Variants in BSDC1 observed in about 807,000 individuals in gnomAD.
BSDC1 encodes the protein BSD domain-containing protein 1.
BSDC1 carries 29 observed loss-of-function variants against 56.0 expected under a neutral mutation model. The observed-to-expected ratio is 0.52, with a 90% confidence interval of 0.39 to 0.71. The LOEUF is 0.71. Ranked by LOEUF, BSDC1 falls within the 30% of genes least tolerant of loss-of-function variation. BSDC1 has a pLI of 0.00. For missense variants in BSDC1, 477 were observed against 548.5 expected (o/e 0.87, Z 1.30); for synonymous variants, 210 against 215.3 (o/e 0.98, Z 0.21).
At chr1:32,389,894 G>A (rs1336753102) in intron 2 of BSDC1, among the ~76,000 whole-genome samples, 2 of 151,178 alleles carry the variant, frequency 1.3e-5, no homozygotes, top group Non-Finnish European at 2.9e-5. Context: ...AATCACCTGA[G>A]CCTGGGTGGT....
rs1029480585 is a variant in BSDC1 at position 32,375,149 on chromosome 1, CA to C, written c.1156+1112del. ...CCTAGGCGACAGTGAGACTCCGCCT[CA>C]AAAAAAAAACAATAAAAACCAGGTA... On this transcript the variant is annotated intron_variant, in intron 9 of 10. Coordinates refer to ENST00000455895, the MANE Select transcript of BSDC1 (RefSeq NM_018045.8). Among the ~76,000 whole-genome samples the C allele has an allele frequency of 4.2e-3, 596 of 143,562 alleles. 6 individuals are homozygous for C. Among genetic ancestry groups the C allele is most frequent in the African/African-American group, 0.014 (561 of 39,020 alleles). The allele number at this position is 143,562 out of a possible 152,430, so 94.2% of individuals were successfully genotyped here.
At chr1:32,368,117 C>A in intron 10 of BSDC1, 1 of 1,392,188 alleles carries the variant, frequency 7.2e-7, no homozygotes, top group African/African-American at 1.5e-5. Context: ...AGCAATCCTC[C>A]CACCTTGGCC....
chr1:32,368,621 G>A, intron 9 of BSDC1, 71 bp from the exon 10 acceptor site: 5 of 1,598,668 alleles, frequency 3.1e-6, no homozygotes, highest in Non-Finnish European at 4.3e-6. Context: ...GGTGTAGCTG[G>A]GGAGATAGCA....
chr1:32,393,960 C>G, intron 2 of BSDC1, 120 bp downstream of exon 2: 1 of 930,706 alleles, frequency 1.1e-6, no homozygotes, highest in Non-Finnish European at 1.6e-6. Context: ...AAGAAAGGCC[C>G]AGGTCAGCCT....
At position 32,376,443 on chromosome 1, in the gene BSDC1, C is replaced by T; in HGVS notation, c.975G>A (p.Glu325=). 1 of 1,613,308 alleles carries T rather than the reference C, an allele frequency of 6.2e-7. No homozygotes were observed. Among genetic ancestry groups the T allele is most frequent in the Non-Finnish European group, 8.5e-7 (1 of 1,179,356 alleles). ...AGTGAATAGGGGGTGAGGGTCCAGT[C>T]TCACCCACATCCACAGCCAGGCCCT... ...EEQGLAVDVG[E]TGPSPPIHSK... is the part of the protein sequence containing the mutation. Residue 325 remains glutamate (E), a synonymous_variant, in exon 9 of 11, where the codon GAG becomes GAA. Coordinates refer to ENST00000455895, the MANE Select transcript of BSDC1 (RefSeq NM_018045.8).
chr1:32,368,989 G>A (rs1415154143), intron 9 of BSDC1, among the ~76,000 whole-genome samples: 3 of 152,164 alleles, frequency 2.0e-5, no homozygotes, highest in East Asian at 1.9e-4. Context: ...GTGAGCCACC[G>A]CACCTGGCCC....
Position 32,394,297 on chromosome 1 carries a change from A to T in BSDC1, c.11+107T>A, listed in dbSNP as rs1382040132. The T allele has an allele frequency of 3.1e-5, 50 of 1,591,098 alleles. No individual in the cohort carries two copies. In the South Asian group the frequency reaches 4.3e-4, roughly 14 times the overall value. On this transcript the variant is annotated intron_variant, in intron 1 of 10. Transcript: ENST00000455895. ...CGACTCCACTCTGCCCTTTCAGATC[A>T]GTCCACGCCCCCGCTGATCTCACGT... is the stretch of plus-strand genomic sequence containing the variant.
At chr1:32,386,112 G>A (rs1214271038) in intron 3 of BSDC1, among the ~76,000 whole-genome samples, 3 of 152,166 alleles carry the variant, frequency 2.0e-5, no homozygotes, top group African/African-American at 7.2e-5. Flanking sequence ...AAGGTCAGGA[G>A]ATCGAGACCA....
chr1:32,368,142 G>A, intron 10 of BSDC1: 9 of 1,419,524 alleles, frequency 6.3e-6, no homozygotes, highest in Non-Finnish European at 8.2e-6. Context: ...AAAGTGTTGG[G>A]ATTACAGGTG....
At chr1:32,373,257 C>T (rs972936063) in intron 9 of BSDC1, among the ~76,000 whole-genome samples, 2 of 152,230 alleles carry the variant, frequency 1.3e-5, no homozygotes, top group African/African-American at 4.8e-5. Context: ...TATAGCACAT[C>T]CTCAGCCTCT....
intron 9 of BSDC1, among the ~76,000 whole-genome samples, chr1:32,371,427 C>CA (rs1642081638): frequency 6.6e-6 from 1 of 151,398 alleles, no homozygotes; most frequent in Non-Finnish European, 1.5e-5. Flanking sequence ...TCTCCTGCCT[C>CA]AGCCTCCTGA....
chr1:32,376,478 A>T lies in BSDC1; in HGVS notation c.940T>A (p.Leu314Met). The change falls in exon 9 of 11, where the codon TTG becomes ATG. Residue 314 changes from leucine (L) to methionine (M), a missense_variant. Transcript: ENST00000455895. The part of the protein sequence containing the change: ...DLSQKLLEAS[L>M]EEQGLAVDVG... Reference sequence around the variant, plus strand: ...TCCACAGCCAGGCCCTGTTCCTCCAAGGATGCCTCTAGCAGCTTTTGGGAC... The same window carrying T: ...TCCACAGCCAGGCCCTGTTCCTCCATGGATGCCTCTAGCAGCTTTTGGGAC... The T allele has an allele frequency of 6.2e-7, 1 of 1,612,356 alleles. No individual in the cohort carries two copies. Among genetic ancestry groups the T allele is most frequent in the Non-Finnish European group, 8.5e-7 (1 of 1,178,684 alleles).
In BSDC1 at chr1:32,365,804, GT is replaced by G. The variant is rs1409528533; in HGVS notation, c.*817del. The G allele has an allele frequency of 6.5e-6, 1 of 152,806 alleles. No individual in the cohort carries two copies. Among genetic ancestry groups the G allele is most frequent in the Non-Finnish European group, 1.5e-5 (1 of 68,180 alleles). 9.5% of individuals were successfully genotyped at this position (152,806 alleles called of 1,614,324 possible). On this transcript the variant is annotated 3_prime_UTR_variant, in exon 11 of 11. Transcript: ENST00000455895. The stretch of plus-strand genomic sequence containing the variant: ...CTAAACTACAGGGGAGTTGAGGTGG[GT>G]AGCTGGTTGGACAAGGTATCCTGCC...
rs756258114 is a variant in BSDC1 at position 32,366,430 on chromosome 1, G to T, written c.*192C>A. On this transcript the variant is annotated 3_prime_UTR_variant, in exon 11 of 11. Coordinates refer to ENST00000455895, the MANE Select transcript of BSDC1 (RefSeq NM_018045.8). ...GGCACAAGTCAGAGTTTCTGGCCGG[G>T]ATTTAGAGAGCCCCTTCCCAGGTGT... is the stretch of plus-strand genomic sequence containing the variant. The T allele has an allele frequency of 7.0e-6, 5 of 714,548 alleles. No individual in the cohort carries two copies. The South Asian group carries it at 7.5e-5, about 11-fold the overall frequency. The allele number at this position is 714,548 out of a possible 1,614,324, so 44.3% of individuals were successfully genotyped here. A position where few individuals can be genotyped will look rare whatever the true frequency, so the allele number is the denominator to read the frequency against.
intron 3 of BSDC1, among the ~76,000 whole-genome samples, chr1:32,386,183 G>A (rs2148136324): frequency 6.6e-6 from 1 of 152,224 alleles, no homozygotes; most frequent in South Asian, 2.1e-4. Flanking sequence ...GCCAGGCGTG[G>A]TGGCGGGCGC....
intron 9 of BSDC1, among the ~76,000 whole-genome samples, chr1:32,372,917 C>T (rs2148114793): frequency 6.6e-6 from 1 of 152,298 alleles, no homozygotes; most frequent in South Asian, 2.1e-4. Flanking sequence ...CTGCCCCAAT[C>T]TCTCCTCCCC....
At chr1:32,373,965 C>T (rs1642187818) in intron 9 of BSDC1, among the ~76,000 whole-genome samples, 1 of 152,166 alleles carries the variant, frequency 6.6e-6, no homozygotes, top group African/African-American at 2.4e-5. Flanking sequence ...TCACTTAAAA[C>T]CTACAATCAC....
At chr1:32,384,049 C>T (rs774001668) in intron 3 of BSDC1, 52 bp from the exon 4 acceptor site, 1 of 1,611,616 alleles carries the variant, frequency 6.2e-7, no homozygotes, top group South Asian at 1.1e-5. Context: ...AGGCTGCAAT[C>T]TGGGGTATGG....
Position 32,366,286 on chromosome 1 carries a change from G to C in BSDC1, c.*336C>G, listed in dbSNP as rs377550059. 2 of 509,170 alleles carry C rather than the reference G, an allele frequency of 3.9e-6. No individual in the cohort carries two copies. The highest frequency in any genetic ancestry group is 3.9e-5 in the South Asian group (2 of 51,000). 31.5% of individuals were successfully genotyped at this position (509,170 alleles called of 1,614,324 possible). A position where few individuals can be genotyped will look rare whatever the true frequency, so the allele number is the denominator to read the frequency against. On this transcript the variant is annotated 3_prime_UTR_variant, in exon 11 of 11. Coordinates refer to ENST00000455895, the MANE Select transcript of BSDC1 (RefSeq NM_018045.8). ...TCTGTCTACACAGGCAGAAGGGCTAGAACTATCCCTTGGGACTTCCCAGCA... is the reference window on the plus strand; with the variant it reads ...TCTGTCTACACAGGCAGAAGGGCTACAACTATCCCTTGGGACTTCCCAGCA...
Sources: gnomAD v4.1 joint callset for allele counts (sites outside exome capture counted in the v4.1 genomes callset) on GRCh38, gnomAD v4.1.1 for gene constraint, MANE v1.5 for transcripts, NCBI Gene and HGNC (gene_info 2026-07-23, HGNC 2026-07-21) for gene names.